ASL: variants seen among roughly 807,000 people sequenced by gnomAD.
ASL encodes the protein argininosuccinate lyase.
Under a neutral mutation model 69.1 loss-of-function variants are expected in ASL, and 51 were observed. The ratio of observed to expected loss-of-function variants is 0.74; its 90% CI spans 0.59 to 0.93. The LOEUF (loss-of-function observed/expected upper bound fraction) is 0.93, where lower values mean the gene tolerates loss of function less well. Among genes scored for constraint, ASL ranks in the 40% least tolerant of loss-of-function variants. The pLI is 0.00. For synonymous variants in ASL, 241 were observed against 247.6 expected, an observed-to-expected ratio of 0.97 and a Z score of 0.25; for missense variants, 540 against 623.9, an observed-to-expected ratio of 0.87 and a Z score of 1.43.
intron 6 of ASL, among the ~76,000 whole-genome samples, chr7:66,084,305 G>T (rs1398317516): frequency 6.6e-6 from 1 of 151,678 alleles, no homozygotes; most frequent in Admixed American, 6.6e-5. Flanking sequence ...GATTACAGGT[G>T]TGCACCACCA....
rs1387654913 is a variant in ASL at position 66,082,013 on chromosome 7, C to G, written c.207+16C>G. ...CCTAGACAAGGTACTTGCCGTGGCC[C>G]AAGCCCCACCCAAGGCCCCTTCCCT... On this transcript the variant is annotated intron_variant, in intron 3 of 16. Coordinates refer to ENST00000304874, the MANE Select transcript of ASL (RefSeq NM_000048.4). 3 of 1,587,162 alleles carry G rather than the reference C, an allele frequency of 1.9e-6. No homozygotes were observed. Among genetic ancestry groups the G allele is most frequent in the South Asian group, 1.1e-5 (1 of 87,576 alleles).
chr7:66,078,155 C>A (rs1786400238), intron 2 of ASL, among the ~76,000 whole-genome samples: 2 of 152,178 alleles, frequency 1.3e-5, no homozygotes, highest in South Asian at 4.1e-4. Context: ...GCAGGGTGGC[C>A]CAGGAGCCCG....
intron 10 of ASL, among the ~76,000 whole-genome samples, chr7:66,088,182 T>G (rs540632882): frequency 6.7e-6 from 1 of 149,878 alleles, no homozygotes; most frequent in Non-Finnish European, 1.5e-5. Context: ...TAAAATAAAA[T>G]AAAATAAAAA....
intron 2 of ASL, among the ~76,000 whole-genome samples, chr7:66,081,386 C>A (rs775984769): frequency 1.2e-4 from 19 of 152,022 alleles, no homozygotes; most frequent in Non-Finnish European, 2.5e-4. Context: ...TCAAGACCAG[C>A]CTGGCCAACA....
rs1317344609 is a variant in ASL at position 66,082,876 on chromosome 7, C to A, written c.292-4C>A. ...CGTGACCCTGGGTCTCCCTTCACCT[C>A]CAGGAGCTCATTGGTGCAACGGCAG... On this transcript the variant is annotated splice_polypyrimidine_tract_variant and splice_region_variant and intron_variant, in intron 4 of 16. Transcript: ENST00000304874. 1.2e-6 allele frequency: 2 copies of A among 1,613,710 alleles called. No homozygotes were observed. Among genetic ancestry groups the A allele is most frequent in the South Asian group, 2.2e-5 (2 of 91,064 alleles).
intron 4 of ASL, 40 bp downstream of exon 4, chr7:66,082,491 T>G (rs979264392): frequency 8.2e-6 from 13 of 1,588,182 alleles, no homozygotes; most frequent in Non-Finnish European, 1.1e-5. Context: ...TTGCCTCCCC[T>G]CTCCACCTTG....
chr7:66,086,453 A>G, intron 6 of ASL, 132 bp from the exon 7 acceptor site: 1 of 944,840 alleles, frequency 1.1e-6, no homozygotes, highest in Non-Finnish European at 1.7e-6. Context: ...GGAGATCACC[A>G]GATCCCTCAT....
rs189204996 is a variant in ASL at position 66,085,866 on chromosome 7, C to G, written c.447-719C>G. Among the ~76,000 whole-genome samples, 654 of 152,158 alleles carry G rather than the reference C, an allele frequency of 4.3e-3. 7 individuals carry two copies. The highest frequency in any genetic ancestry group is 0.014 in the African/African-American group (568 of 41,518). On this transcript the variant is annotated intron_variant, in intron 6 of 16. Transcript: ENST00000304874. Reference sequence around the variant, plus strand: ...CTTGTGATCTGCCCGCCTCGGCCTCCCAAAGTGCTGGGATTACAGGCGTGA... The same window carrying G: ...CTTGTGATCTGCCCGCCTCGGCCTCGCAAAGTGCTGGGATTACAGGCGTGA...
Position 66,093,238 on chromosome 7 carries a change from C to A in ASL, c.*326C>A. The A allele has an allele frequency of 2.3e-6, 1 of 435,616 alleles. No individual in the cohort carries two copies. The highest frequency in any genetic ancestry group is 4.3e-6 in the Non-Finnish European group (1 of 231,794). 27.0% of individuals were successfully genotyped at this position (435,616 alleles called of 1,614,324 possible). On this transcript the variant is annotated 3_prime_UTR_variant, in exon 17 of 17. Coordinates refer to ENST00000304874, the MANE Select transcript of ASL (RefSeq NM_000048.4). ...AGGCTGAGGTGAGAGGACACTTGTG[C>A]CCAGGAGTGGAGGCTGCAGTGAGCT...
At position 66,093,204 on chromosome 7, in the gene ASL, C is replaced by A. The variant is rs930521803; in HGVS notation, c.*292C>A. ...TGGTGGCCCATGCATATAGTCCCAGCTACTTGTAAGGCTGAGGTGAGAGGA... is the reference window on the plus strand; with the variant it reads ...TGGTGGCCCATGCATATAGTCCCAGATACTTGTAAGGCTGAGGTGAGAGGA... On this transcript the variant is annotated 3_prime_UTR_variant, in exon 17 of 17. Transcript: ENST00000304874. 4.1e-6 allele frequency: 2 copies of A among 493,790 alleles called. No homozygotes were observed. The highest frequency in any genetic ancestry group is 1.9e-5 in the African/African-American group (1 of 51,504). 30.6% of individuals were successfully genotyped at this position (493,790 alleles called of 1,614,324 possible). A position where few individuals can be genotyped will look rare whatever the true frequency, so the allele number is the denominator to read the frequency against.
intron 2 of ASL, among the ~76,000 whole-genome samples, chr7:66,076,707 T>TC (rs993791323): frequency 1.6e-4 from 24 of 152,268 alleles, no homozygotes; most frequent in Admixed American, 1.4e-3. Flanking sequence ...GCAGAGGTTT[T>TC]CCTTCCTTGG....
Position 66,089,482 on chromosome 7 carries a change from T to C in ASL, c.979-130T>C, listed in dbSNP as rs1786780381. The C allele has an allele frequency of 1.1e-5, 16 of 1,421,676 alleles. No individual in the cohort carries two copies. The East Asian group carries it at 4.0e-4, about 35-fold the overall frequency. 88.1% of individuals were successfully genotyped at this position (1,421,676 alleles called of 1,614,324 possible). On this transcript the variant is annotated intron_variant, in intron 13 of 16. Coordinates refer to ENST00000304874, the MANE Select transcript of ASL (RefSeq NM_000048.4). ...TGGCTGCCCTTGAACTCTCTGCCCT[T>C]CCTTTGTTGGGGTATTGAGTGTTCT...
At chr7:66,085,171 A>G (rs1469226049) in intron 6 of ASL, among the ~76,000 whole-genome samples, 8 of 152,210 alleles carry the variant, frequency 5.3e-5, no homozygotes. Flanking sequence ...ATATCTCAGT[A>G]AAGCTGGTTT....
chr7:66,076,264 C>T (rs1786344322), intron 2 of ASL, among the ~76,000 whole-genome samples, 171 bp downstream of exon 2: 1 of 152,226 alleles, frequency 6.6e-6, no homozygotes, highest in East Asian at 1.9e-4. Flanking sequence ...TGGAGCCCAG[C>T]AGTCACCTTT....
intron 2 of ASL, among the ~76,000 whole-genome samples, chr7:66,081,515 G>T (rs1786502124): frequency 6.6e-6 from 1 of 151,434 alleles, no homozygotes; most frequent in Admixed American, 6.6e-5. Context: ...GGGAGGCAGA[G>T]TTTGCAGTGA....
chr7:66,090,924 C>G (rs1786822316), intron 14 of ASL, among the ~76,000 whole-genome samples: 1 of 151,900 alleles, frequency 6.6e-6, no homozygotes. Flanking sequence ...ATGGCGAAAC[C>G]CCGTCTTTAC....
chr7:66,084,149 T>G (rs1380298894), intron 6 of ASL, among the ~76,000 whole-genome samples: 1 of 151,484 alleles, frequency 6.6e-6, no homozygotes, highest in Non-Finnish European at 1.5e-5. Context: ...TTTTTTGTTG[T>G]TGTTGTTTGT....
intron 14 of ASL, among the ~76,000 whole-genome samples, chr7:66,090,969 A>T (rs560969163): frequency 6.6e-6 from 1 of 152,092 alleles, no homozygotes; most frequent in African/African-American, 2.4e-5. Context: ...GTGGTGGTAC[A>T]CGCCTGTAAT....
intron 6 of ASL, among the ~76,000 whole-genome samples, chr7:66,084,107 A>G (rs545883431): frequency 7.9e-5 from 12 of 151,440 alleles, no homozygotes; most frequent in Non-Finnish European, 1.6e-4. Flanking sequence ...AGGAACAGGG[A>G]GTGTCTGCTA....
Sources: gnomAD v4.1 joint callset for allele counts (sites outside exome capture counted in the v4.1 genomes callset) on GRCh38, gnomAD v4.1.1 for gene constraint, MANE v1.5 for transcripts, NCBI Gene and HGNC (gene_info 2026-07-23, HGNC 2026-07-21) for gene names.